Variants in GRIK2 observed in about 807,000 individuals in gnomAD.
GRIK2 encodes the protein glutamate ionotropic receptor kainate type subunit 2.
In GRIK2, 32 loss-of-function variants were observed where a neutral mutation model predicts 100.3. That is an observed-to-expected ratio of 0.32 (90% CI 0.24 to 0.43). GRIK2 has a LOEUF of 0.43. GRIK2 is among the 20% of genes least tolerant of loss of function. GRIK2 has a pLI of 1.00. For synonymous variants in GRIK2, 417 were observed against 389.4 expected, an observed-to-expected ratio of 1.07 and a Z score of -0.83; for missense variants, 843 against 1,114.9, an observed-to-expected ratio of 0.76 and a Z score of 3.47.
intron 7 of GRIK2, among the ~76,000 whole-genome samples, chr6:101,763,448 T>C (rs189027556): frequency 1.3e-5 from 2 of 152,352 alleles, no homozygotes. Context: ...TGAATGTCTA[T>C]GTCTCCCAGA....
At chr6:101,979,213 A>AGGAAGTAGTAGT (rs1793575041) in intron 14 of GRIK2, among the ~76,000 whole-genome samples, 1 of 152,004 alleles carries the variant, frequency 6.6e-6, no homozygotes, top group South Asian at 2.1e-4. Flanking sequence ...AGAGTGGACT[A>AGGAAGTAGTAGT]CAGGAAACTA....
intron 2 of GRIK2, among the ~76,000 whole-genome samples, chr6:101,540,568 A>G (rs1775939173): frequency 6.6e-6 from 1 of 151,962 alleles, no homozygotes; most frequent in Non-Finnish European, 1.5e-5. Flanking sequence ...AAGTTAGATA[A>G]AAATGTATGA....
chr6:102,046,240 A>T (rs565504212), intron 15 of GRIK2, among the ~76,000 whole-genome samples: 31 of 152,278 alleles, frequency 2.0e-4, no homozygotes, highest in African/African-American at 6.7e-4. Flanking sequence ...AAAAGGCACC[A>T]ATACCCCACT....
At chr6:101,433,225 G>T (rs914229862) in intron 2 of GRIK2, among the ~76,000 whole-genome samples, 1 of 152,162 alleles carries the variant, frequency 6.6e-6, no homozygotes, top group Non-Finnish European at 1.5e-5. Flanking sequence ...ATCCAATAAA[G>T]TGCTCGGCAT....
At chr6:101,486,596 G>A (rs1258739630) in intron 2 of GRIK2, among the ~76,000 whole-genome samples, 1 of 152,068 alleles carries the variant, frequency 6.6e-6, no homozygotes. Context: ...CAAATTGGAG[G>A]GGGAGAGCCC....
intron 7 of GRIK2, among the ~76,000 whole-genome samples, chr6:101,778,620 CTT>C (rs1562378258): frequency 6.6e-6 from 1 of 152,050 alleles, no homozygotes; most frequent in Non-Finnish European, 1.5e-5. Context: ...AAAAGAATGA[CTT>C]CTCACCAGAA....
At chr6:101,519,017 A>G (rs1582629391) in intron 2 of GRIK2, among the ~76,000 whole-genome samples, 1 of 152,202 alleles carries the variant, frequency 6.6e-6, no homozygotes, top group East Asian at 1.9e-4. Context: ...AGTATAAAAT[A>G]TAAATGCTCT....
chr6:101,635,219 GTTAAAC>G (rs1007817216), intron 4 of GRIK2, among the ~76,000 whole-genome samples: 3 of 152,050 alleles, frequency 2.0e-5, no homozygotes, highest in African/African-American at 7.2e-5. Flanking sequence ...GCAATTATGA[GTTAAAC>G]TTAATTATTT....
At chr6:101,790,485 C>T (rs371224595) in intron 7 of GRIK2, among the ~76,000 whole-genome samples, 13 of 149,946 alleles carry the variant, frequency 8.7e-5, no homozygotes, top group African/African-American at 1.5e-4. Context: ...TTGTCTTTGG[C>T]TCTGTTTATA....
chr6:101,490,075 A>C (rs1773023831), intron 2 of GRIK2, among the ~76,000 whole-genome samples: 1 of 146,526 alleles, frequency 6.8e-6, no homozygotes, highest in Non-Finnish European at 1.5e-5. Context: ...ATAAAAAGAC[A>C]CAGAGGATAC....
At chr6:101,831,848 T>C (rs1323337440) in intron 10 of GRIK2, among the ~76,000 whole-genome samples, 1 of 152,142 alleles carries the variant, frequency 6.6e-6, no homozygotes, top group Non-Finnish European at 1.5e-5. Context: ...TTTCCAATTT[T>C]GAGATCACAG....
At chr6:101,532,513 AT>A in intron 2 of GRIK2, among the ~76,000 whole-genome samples, 1 of 148,054 alleles carries the variant, frequency 6.8e-6, no homozygotes, top group South Asian at 2.1e-4. Flanking sequence ...CACCTTTTGC[AT>A]AAAAGAATGA....
At chr6:101,502,258 T>C (rs539781378) in intron 2 of GRIK2, among the ~76,000 whole-genome samples, 15 of 152,160 alleles carry the variant, frequency 9.9e-5, no homozygotes, top group Non-Finnish European at 1.8e-4. Context: ...TACATTCCCA[T>C]TGAGTCAGCA....
chr6:101,616,355 AT>A (rs1779894715), intron 2 of GRIK2, among the ~76,000 whole-genome samples: 1 of 151,814 alleles, frequency 6.6e-6, no homozygotes, highest in Non-Finnish European at 1.5e-5. Context: ...ATACAAATAA[AT>A]AAAAAATCAG....
chr6:101,681,816 T>G (rs1771277638), intron 5 of GRIK2, among the ~76,000 whole-genome samples: 1 of 152,144 alleles, frequency 6.6e-6, no homozygotes, highest in African/African-American at 2.4e-5. Flanking sequence ...AAATGCATTG[T>G]TTTTTAATTA....
chr6:102,042,604 T>G (rs1198440235), intron 15 of GRIK2, among the ~76,000 whole-genome samples: 1 of 151,578 alleles, frequency 6.6e-6, no homozygotes, highest in Non-Finnish European at 1.5e-5. Context: ...AATTTTAGGG[T>G]TCTTAATGAT....
At chr6:101,561,416 G>A (rs1777005699) in intron 2 of GRIK2, among the ~76,000 whole-genome samples, 1 of 151,876 alleles carries the variant, frequency 6.6e-6, no homozygotes, top group African/African-American at 2.4e-5. Context: ...AGTTGGTTAA[G>A]GGATATAAAA....
intron 5 of GRIK2, among the ~76,000 whole-genome samples, chr6:101,680,030 G>A (rs931667298): frequency 2.6e-5 from 4 of 152,192 alleles, no homozygotes; most frequent in East Asian, 1.9e-4. Context: ...GAGCCACCGC[G>A]CCTGGCCTCC....
intron 7 of GRIK2, among the ~76,000 whole-genome samples, chr6:101,789,074 T>G (rs1022116802): frequency 6.6e-6 from 1 of 152,158 alleles, no homozygotes; most frequent in Admixed American, 6.5e-5. Flanking sequence ...TCTTGTCAAT[T>G]TGTTTGAGTT....
Sources: allele counts gnomAD v4.1 joint callset (sites outside exome capture counted in the v4.1 genomes callset), GRCh38; gene constraint gnomAD v4.1.1; transcripts MANE v1.5; gene names NCBI Gene and HGNC (gene_info 2026-07-23, HGNC 2026-07-21).